Variants in CCSER1 observed in about 807,000 individuals in gnomAD.
CCSER1 encodes coiled-coil serine rich protein 1.
Under a neutral mutation model 82.0 loss-of-function variants are expected in CCSER1, and 41 were observed. That is an observed-to-expected ratio of 0.50 (90% confidence interval 0.39 to 0.65). The LOEUF is 0.65. Among genes scored for constraint, CCSER1 ranks in the 30% least tolerant of loss-of-function variants. The pLI is 0.00. For synonymous variants in CCSER1, 414 were observed against 383.9 expected, an observed-to-expected ratio of 1.08 and a Z score of -0.92; for missense variants, 1,119 against 1,064.2, an observed-to-expected ratio of 1.05 and a Z score of -0.72.
At chr4:91,576,316 A>G (rs1248420690) in intron 10 of CCSER1, among the ~76,000 whole-genome samples, 2 of 152,014 alleles carry the variant, frequency 1.3e-5, no homozygotes, top group East Asian at 1.9e-4. Context: ...CAAATACTAC[A>G]TAATATCATC....
At chr4:90,666,565 A>G (rs893206253) in intron 6 of CCSER1, among the ~76,000 whole-genome samples, 1 of 152,218 alleles carries the variant, frequency 6.6e-6, no homozygotes, top group African/African-American at 2.4e-5. Context: ...GGATGATACC[A>G]GCATGAGCCT....
intron 3 of CCSER1, among the ~76,000 whole-genome samples, chr4:90,389,850 T>A (rs1750685457): frequency 6.6e-6 from 1 of 152,164 alleles, no homozygotes; most frequent in Non-Finnish European, 1.5e-5. Context: ...ATTATAGAGA[T>A]GCAGTCTTGC....
intron 5 of CCSER1, among the ~76,000 whole-genome samples, chr4:90,615,980 TCAG>T (rs2148848241): frequency 6.6e-6 from 1 of 152,284 alleles, no homozygotes; most frequent in Non-Finnish European, 1.5e-5. Flanking sequence ...ACCACCCTGA[TCAG>T]TCAGCAGTCA....
At chr4:91,033,766 A>G (rs940263076) in intron 9 of CCSER1, among the ~76,000 whole-genome samples, 3 of 152,194 alleles carry the variant, frequency 2.0e-5, no homozygotes, top group Non-Finnish European at 4.4e-5. Context: ...TCAGTAGGTC[A>G]AAGAACTTCA....
At chr4:90,270,793 T>C (rs1379433789) in intron 1 of CCSER1, among the ~76,000 whole-genome samples, 1 of 152,158 alleles carries the variant, frequency 6.6e-6, no homozygotes. Context: ...TCTGTAAAGT[T>C]GTAGGATACA....
chr4:90,427,118 T>C (rs1757630925), intron 4 of CCSER1, among the ~76,000 whole-genome samples: 1 of 152,074 alleles, frequency 6.6e-6, no homozygotes, highest in African/African-American at 2.4e-5. Flanking sequence ...GTGTGTCTAA[T>C]AGCCAAAACT....
chr4:91,255,528 A>G (rs530670939), intron 10 of CCSER1, among the ~76,000 whole-genome samples: 4 of 152,294 alleles, frequency 2.6e-5, no homozygotes, highest in South Asian at 2.1e-4. Context: ...AGTTCATGAG[A>G]CTGAGGTATA....
At chr4:90,327,583 T>C (rs554833864) in intron 3 of CCSER1, among the ~76,000 whole-genome samples, 1 of 152,322 alleles carries the variant, frequency 6.6e-6, no homozygotes, top group South Asian at 2.1e-4. Flanking sequence ...CCATACTCAT[T>C]TTCTCACTGC....
intron 10 of CCSER1, among the ~76,000 whole-genome samples, chr4:91,211,182 C>T (rs1481577507): frequency 6.6e-6 from 1 of 151,882 alleles, no homozygotes; most frequent in Non-Finnish European, 1.5e-5. Context: ...AGGTAAAAAA[C>T]CAAGAGACAA....
At chr4:90,451,825 T>G (rs1395358583) in intron 4 of CCSER1, among the ~76,000 whole-genome samples, 1 of 152,184 alleles carries the variant, frequency 6.6e-6, no homozygotes, top group Non-Finnish European at 1.5e-5. Flanking sequence ...CATCCCCTTT[T>G]GCTGGCCTTT....
At chr4:90,862,878 G>A (rs1460657297) in intron 8 of CCSER1, among the ~76,000 whole-genome samples, 1 of 147,872 alleles carries the variant, frequency 6.8e-6, no homozygotes, top group Non-Finnish European at 1.5e-5. Flanking sequence ...TATTACAGAA[G>A]CACACTACAG....
At chr4:91,514,216 A>T (rs2110123034) in intron 10 of CCSER1, among the ~76,000 whole-genome samples, 1 of 152,300 alleles carries the variant, frequency 6.6e-6, no homozygotes, top group Non-Finnish European at 1.5e-5. Context: ...TTGTTAACCC[A>T]AAAGTAATTC....
rs371108431 is a variant in CCSER1, at chr4:91,313,439, C to T, written c.2217+227445C>T. ...ACTACTAAATTTGATTTGGTTCCTACTTACAAAGCTGATACTCTCAAGATT... is the reference window on the plus strand; with the variant it reads ...ACTACTAAATTTGATTTGGTTCCTATTTACAAAGCTGATACTCTCAAGATT... On this transcript the variant is annotated intron_variant, in intron 10 of 10. Transcript: ENST00000509176. 3.9e-3 allele frequency among the ~76,000 whole-genome samples: 587 copies of T among 151,898 alleles called. 3 individuals are homozygous for T. Among genetic ancestry groups the T allele is most frequent in the African/African-American group, 0.014 (570 of 41,480 alleles).
chr4:91,494,731 TCAAACTTAAAAA>T (rs1008725253), intron 10 of CCSER1, among the ~76,000 whole-genome samples: 4 of 151,796 alleles, frequency 2.6e-5, no homozygotes, highest in Non-Finnish European at 5.9e-5. Context: ...TTCATTTTTT[TCAAACTTAAAAA>T]TCAGTTTGAA....
At chr4:91,413,614 G>C in intron 10 of CCSER1, among the ~76,000 whole-genome samples, 1 of 151,970 alleles carries the variant, frequency 6.6e-6, no homozygotes, top group Admixed American at 6.6e-5. Context: ...GGAGAAAAGA[G>C]AAAAAGCCAG....
At chr4:91,464,346 A>G (rs1018002794) in intron 10 of CCSER1, among the ~76,000 whole-genome samples, 3 of 152,152 alleles carry the variant, frequency 2.0e-5, no homozygotes, top group Non-Finnish European at 4.4e-5. Context: ...AAGAGCTCCT[A>G]AAGGAAGCAC....
At chr4:91,531,566 T>G (rs1015729305) in intron 10 of CCSER1, among the ~76,000 whole-genome samples, 1 of 152,186 alleles carries the variant, frequency 6.6e-6, no homozygotes, top group African/African-American at 2.4e-5. Context: ...AAATTGTTAG[T>G]TACTCCATGT....
intron 8 of CCSER1, among the ~76,000 whole-genome samples, chr4:90,825,530 T>C (rs1370540458): frequency 6.6e-6 from 1 of 152,150 alleles, no homozygotes; most frequent in Admixed American, 6.6e-5. Flanking sequence ...ATTAATAATA[T>C]GCAGAAGGGG....
intron 1 of CCSER1, among the ~76,000 whole-genome samples, chr4:90,224,305 C>T (rs1244215028): frequency 3.9e-5 from 6 of 152,166 alleles, no homozygotes; most frequent in Admixed American, 1.3e-4. Flanking sequence ...TTTCTATTAT[C>T]ATTGCTTTGT....
Sources: allele counts gnomAD v4.1 joint callset (sites outside exome capture counted in the v4.1 genomes callset), GRCh38; gene constraint gnomAD v4.1.1; transcripts MANE v1.5; gene names NCBI Gene and HGNC (gene_info 2026-07-23, HGNC 2026-07-21).